DDX27: variants seen among roughly 807,000 people sequenced by gnomAD.
The protein encoded by DDX27 is probable ATP-dependent RNA helicase DDX27.
DDX27 carries 42 observed loss-of-function variants against 99.3 expected under a neutral mutation model. The observed-to-expected ratio is 0.42, with a 90% CI of 0.33 to 0.55. The LOEUF (loss-of-function observed/expected upper bound fraction) is 0.55, where lower values mean the gene tolerates loss of function less well. Among genes scored for constraint, DDX27 ranks in the 20% least tolerant of loss-of-function variants. DDX27 has a pLI of 0.07. For missense variants in DDX27, 798 were observed against 976.8 expected, an observed-to-expected ratio of 0.82 and a Z score of 2.44; for synonymous variants, 329 against 353.8, an observed-to-expected ratio of 0.93 and a Z score of 0.79.
At position 49,221,536 on chromosome 20, in the gene DDX27, A is replaced by C. The variant is rs1979687836; in HGVS notation, c.178A>C (p.Lys60Gln). The C allele has an allele frequency of 6.2e-7, 1 of 1,613,764 alleles. No homozygotes were observed. Among genetic ancestry groups the C allele is most frequent in the Non-Finnish European group, 8.5e-7 (1 of 1,179,930 alleles). The change falls in exon 2 of 21, where the codon AAG becomes CAG. Residue 60 changes from lysine (K) to glutamine (Q), a missense_variant. This residue lies in a region of DDX27 where 245 missense variants were observed against 248.8 expected (regional missense o/e 0.98). Transcript: ENST00000618172. ...CAACCCTGATTTCGTTTTCACTGAG[A>C]AGGAGGGGACGTACGATGGCAGCTG... is the stretch of plus-strand genomic sequence containing the variant. ...DFNPDFVFTE[K>Q]EGTYDGSWAL...
chr20:49,238,837 T>A, intron 14 of DDX27, 112 bp from the exon 15 acceptor site: 1 of 566,880 alleles, frequency 1.8e-6, no homozygotes, highest in Non-Finnish European at 3.0e-6. Context: ...CTCAAATTCC[T>A]GGGCTCAAGC....
chr20:49,223,888 A>C (rs1186917694), intron 4 of DDX27, among the ~76,000 whole-genome samples: 1 of 152,102 alleles, frequency 6.6e-6, no homozygotes, highest in Admixed American at 6.6e-5. Context: ...CTCAAAAAAC[A>C]AAACAAAAGA....
chr20:49,243,948 A>C lies in DDX27; in HGVS notation c.*114A>C. ...TGTTTAAAAAAAAAACAAAAACAAA[A>C]AACAACACTTTGGTGTGGTGGTATG... On this transcript the variant is annotated 3_prime_UTR_variant, in exon 21 of 21. Transcript: ENST00000618172. 7.6e-7 allele frequency: 1 copy of C among 1,314,126 alleles called. No individual in the cohort carries two copies. Among genetic ancestry groups the C allele is most frequent in the Non-Finnish European group, 1.1e-6 (1 of 943,646 alleles). 81.4% of individuals were successfully genotyped at this position (1,314,126 alleles called of 1,614,324 possible).
Position 49,219,779 on chromosome 20 carries a change from T to G in DDX27, c.93+238T>G, listed in dbSNP as rs750505572. On this transcript the variant is annotated intron_variant, in intron 1 of 20. Coordinates refer to ENST00000618172, the MANE Select transcript of DDX27 (RefSeq NM_017895.8). The stretch of plus-strand genomic sequence containing the variant: ...CTTGCTGAACTCAGTATCTATTCAC[T>G]GAACTGATATTTAACCACGCCCTGT... Among the ~76,000 whole-genome samples the G allele has an allele frequency of 1.3e-5, 2 of 152,144 alleles. 1 individual carries two copies. Among genetic ancestry groups the G allele is most frequent in the Non-Finnish European group, 2.9e-5 (2 of 68,036 alleles).
At position 49,233,254 on chromosome 20, in the gene DDX27, T is replaced by A. The variant is rs1980185081; in HGVS notation, c.1032-52T>A. On this transcript the variant is annotated intron_variant, in intron 9 of 20. Coordinates refer to ENST00000618172, the MANE Select transcript of DDX27 (RefSeq NM_017895.8). Reference sequence around the variant, plus strand: ...CGGTATGCAATCCCGTGTCCCTCACTGTGACCGAAGAGCACTCTCTCCATT... The same window carrying A: ...CGGTATGCAATCCCGTGTCCCTCACAGTGACCGAAGAGCACTCTCTCCATT... 9 of 1,416,290 alleles carry A rather than the reference T, an allele frequency of 6.4e-6. No homozygotes were observed. The Admixed American group carries it at 1.5e-4, about 24-fold the overall frequency. 87.7% of individuals were successfully genotyped at this position (1,416,290 alleles called of 1,614,324 possible).
Position 49,223,274 on chromosome 20 carries a change from GA to G in DDX27, c.309del (p.Ala104ProfsTer57). On this transcript the variant is annotated frameshift_variant, in exon 4 of 21. Coordinates refer to ENST00000618172, the MANE Select transcript of DDX27 (RefSeq NM_017895.8). LOFTEE classifies it high-confidence loss of function. ...VRKKRKTEDK[E>X]AKSGKLEKEK... ...ACTTTAATTTTTTTCCCAGGATAAA[GA>G]AGCCAAGTCTGGGAAGTTGGAAAAG... The G allele has an allele frequency of 6.2e-7, 1 of 1,606,578 alleles. No homozygotes were observed. The highest frequency in any genetic ancestry group is 2.2e-5 in the East Asian group (1 of 44,858).
At chr20:49,241,782 C>T (rs573431513) in intron 16 of DDX27, 111 bp from the exon 17 acceptor site, 10 of 1,237,436 alleles carry the variant, frequency 8.1e-6, no homozygotes, top group South Asian at 2.6e-5. Flanking sequence ...AAGTGCTTGC[C>T]GCTTTTCATT....
intron 19 of DDX27, among the ~76,000 whole-genome samples, chr20:49,243,271 A>AT (rs1429972542): frequency 1.3e-5 from 2 of 152,266 alleles, no homozygotes; most frequent in African/African-American, 4.8e-5. Flanking sequence ...CAGGGGAGTG[A>AT]TAACTCTTTC....
intron 16 of DDX27, among the ~76,000 whole-genome samples, chr20:49,240,450 C>T (rs901980814): frequency 1.1e-4 from 16 of 152,184 alleles, no homozygotes; most frequent in African/African-American, 2.6e-4. Flanking sequence ...TGTTTTCAGA[C>T]GGAGTCTTGC....
chr20:49,233,359 C>T lies in DDX27; in HGVS notation c.1085C>T (p.Ser362Phe), dbSNP rs1383330129. The stretch of plus-strand genomic sequence containing the variant: ...ATGAAGGAGATCATCCGAATGTGTT[C>T]CCACCACCGCCAGACCATGCTCTTC... ...EQMKEIIRMC[S>F]HHRQTMLFSA... Residue 362 changes from serine to phenylalanine, a missense_variant, in exon 10 of 21, where the codon TCC becomes TTC. Around this residue, in one of 2 missense-constraint regions of DDX27, gnomAD observed 553 missense variants for 727.9 expected, o/e 0.76. Coordinates refer to ENST00000618172, the MANE Select transcript of DDX27 (RefSeq NM_017895.8). 1 of 1,614,022 alleles carries T rather than the reference C, an allele frequency of 6.2e-7. No individual in the cohort carries two copies. The highest frequency in any genetic ancestry group is 8.5e-7 in the Non-Finnish European group (1 of 1,180,018).
intron 14 of DDX27, chr20:49,238,640 G>A (rs1297369146): frequency 9.5e-6 from 3 of 316,618 alleles, no homozygotes; most frequent in Admixed American, 9.7e-5. Flanking sequence ...GCTGATTTTT[G>A]TATTTTTAAT....
In DDX27 at chr20:49,236,171, T is replaced by G; in HGVS notation, c.1449T>G (p.Ile483Met). The change falls in exon 13 of 21, where the codon ATT becomes ATG. Residue 483 changes from isoleucine (I) to methionine (M), a missense_variant. Coordinates refer to ENST00000618172, the MANE Select transcript of DDX27 (RefSeq NM_017895.8). This position sits in a 1 kb window ranked among gnomAD's most constrained non-coding sequence, Gnocchi z 4.1. ...CTAGGCGTTTTAAGGATGAACAGAT[T>G]GACATCCTCGTGGCCACTGATGTGG... is the stretch of plus-strand genomic sequence containing the variant. ...EALRRFKDEQ[I>M]DILVATDVAA... The G allele has an allele frequency of 1.9e-6, 3 of 1,612,374 alleles. No individual in the cohort carries two copies. Among genetic ancestry groups the G allele is most frequent in the Non-Finnish European group, 2.5e-6 (3 of 1,179,248 alleles).
chr20:49,224,628 G>A (rs1979811447), intron 4 of DDX27: 1 of 269,118 alleles, frequency 3.7e-6, no homozygotes, highest in Admixed American at 4.9e-5. Flanking sequence ...CTCCTAAAGT[G>A]CTGGGATTTT....
Position 49,241,883 on chromosome 20 carries a change from C to T in DDX27, c.1898-10C>T. ...CATCCCTGAAATCTTATGCTTTCTT[C>T]TCATCCCAGTTGCCAAAGCTCTGCA... On this transcript the variant is annotated splice_polypyrimidine_tract_variant and intron_variant, in intron 16 of 20. Coordinates refer to ENST00000618172, the MANE Select transcript of DDX27 (RefSeq NM_017895.8). The T allele has an allele frequency of 1.9e-6, 3 of 1,613,610 alleles. No homozygotes were observed. Among genetic ancestry groups the T allele is most frequent in the Non-Finnish European group, 2.5e-6 (3 of 1,179,504 alleles).
intron 8 of DDX27, among the ~76,000 whole-genome samples, chr20:49,229,475 CAA>C: frequency 6.6e-6 from 1 of 152,002 alleles, no homozygotes; most frequent in African/African-American, 2.4e-5. Flanking sequence ...AATAATGAAT[CAA>C]ATATTACTTT....
intron 16 of DDX27, 98 bp downstream of exon 16, chr20:49,239,436 C>A: frequency 1.2e-6 from 1 of 860,506 alleles, no homozygotes; most frequent in Non-Finnish European, 1.8e-6. Context: ...CAGCGGTCCC[C>A]AACCTTTCGG....
chr20:49,223,569 T>C, intron 4 of DDX27, 136 bp downstream of exon 4: 2 of 736,858 alleles, frequency 2.7e-6, no homozygotes, highest in Middle Eastern at 4.5e-4. Context: ...AACTCCTTTC[T>C]TTCTTTTTTT....
At chr20:49,228,621 C>A in intron 7 of DDX27, 94 bp from the exon 8 acceptor site, 11 of 1,208,642 alleles carry the variant, frequency 9.1e-6, no homozygotes, top group Non-Finnish European at 1.1e-5. Context: ...TTATTTTCCC[C>A]AACCAGACGT....
At chr20:49,224,860 G>T (rs1291450923) in intron 4 of DDX27, 85 bp from the exon 5 acceptor site, 1 of 1,451,712 alleles carries the variant, frequency 6.9e-7, no homozygotes, top group Admixed American at 1.8e-5. Flanking sequence ...CTGAAGTGTG[G>T]CATTGGCACT....
Sources: gnomAD v4.1 joint callset for allele counts (sites outside exome capture counted in the v4.1 genomes callset) on GRCh38, gnomAD v4.1.1 for gene constraint, gnomAD v4.1.1 regional missense constraint, Gnocchi (gnomAD v3.1) non-coding constraint, MANE v1.5 for transcripts, NCBI Gene and HGNC (gene_info 2026-07-23, HGNC 2026-07-21) for gene names.